The following PWWP3B variants were observed in gnomAD, a reference collection of about 807,000 sequenced individuals.
PWWP3B encodes the protein PWWP domain containing 3B, also known as PWWP domain-containing DNA repair factor 3B.
PWWP3B carries 5 observed loss-of-function variants against 15.7 expected under a neutral mutation model. The observed-to-expected ratio is 0.32, with a 90% confidence interval of 0.17 to 0.67. The LOEUF is 0.67. PWWP3B is among the 30% of genes least tolerant of loss of function. PWWP3B has a pLI of 0.74. For missense variants in PWWP3B, 519 were observed against 493.1 expected (o/e 1.05, Z -0.50); for synonymous variants, 203 against 179.8 (o/e 1.13, Z -1.03).
At chrX:106,174,025 C>A (rs1921759535) in intron 2 of PWWP3B, among the ~76,000 whole-genome samples, 1 of 111,804 alleles carries the variant, frequency 8.9e-6, no homozygotes, top group African/African-American at 3.3e-5. Flanking sequence ...TTGGGTCCTG[C>A]CAACAGAAAT....
chrX:106,177,819 A>G (rs905101043), intron 2 of PWWP3B, among the ~76,000 whole-genome samples: 1 of 112,139 alleles, frequency 8.9e-6, no homozygotes, highest in Non-Finnish European at 1.9e-5. Context: ...ACACTTGTAA[A>G]GATGTATATT....
At chrX:106,188,064 C>T (rs747095089) in intron 2 of PWWP3B, among the ~76,000 whole-genome samples, 1 of 111,394 alleles carries the variant, frequency 9.0e-6, no homozygotes, top group East Asian at 2.8e-4. Context: ...CATGTGAGAA[C>T]TTCAGTGTGG....
At chrX:106,202,189 A>G (rs1602869171) in intron 2 of PWWP3B, among the ~76,000 whole-genome samples, 2 of 112,172 alleles carry the variant, frequency 1.8e-5, no homozygotes, top group African/African-American at 3.2e-5. Flanking sequence ...TATGTGTCAC[A>G]TGTACATGAG....
At chrX:106,189,380 C>A (rs1922729803) in intron 2 of PWWP3B, among the ~76,000 whole-genome samples, 1 of 109,987 alleles carries the variant, frequency 9.1e-6, no homozygotes, top group Non-Finnish European at 1.9e-5. Flanking sequence ...TCCCTCTCCC[C>A]TCCCCCCACC....
At chrX:106,192,232 C>G (rs891265027) in intron 2 of PWWP3B, among the ~76,000 whole-genome samples, 2 of 111,354 alleles carry the variant, frequency 1.8e-5, no homozygotes, top group Non-Finnish European at 3.8e-5. Flanking sequence ...TGTTATTGGT[C>G]TATTCAGAGA....
chrX:106,205,047 GT>G (rs1445809453), intron 3 of PWWP3B, among the ~76,000 whole-genome samples, 171 bp from the exon 4 acceptor site: 2 of 110,332 alleles, frequency 1.8e-5, no homozygotes, highest in Middle Eastern at 4.3e-3. Flanking sequence ...AACTTTTCTG[GT>G]TTTTTTCCAC....
In PWWP3B at chrX:106,207,977, C is replaced by G. The variant is rs1285733054; in HGVS notation, c.*454C>G. On this transcript the variant is annotated 3_prime_UTR_variant, in exon 4 of 4. Coordinates refer to ENST00000357175, the MANE Select transcript of PWWP3B (RefSeq NM_001171020.2). ...TAATTTTTATAAAATATTGGGTTTT[C>G]CCTTAAGATAGTTGAAGTATTTTTC... is the stretch of plus-strand genomic sequence containing the variant. 4 of 124,169 alleles carry G rather than the reference C, an allele frequency of 3.2e-5. No individual in the cohort carries two copies. The highest frequency in any genetic ancestry group is 7.4e-5 in the Non-Finnish European group (4 of 53,983). The allele number at this position is 124,169 out of a possible 1,213,427, so 10.2% of individuals were successfully genotyped here.
At chrX:106,205,070 G>A (rs775971695) in intron 3 of PWWP3B, 149 bp from the exon 4 acceptor site, 23 of 136,079 alleles carry the variant, frequency 1.7e-4, no homozygotes, top group African/African-American at 5.2e-4. Context: ...CCTCCCCCCC[G>A]CAATCTTATA....
In PWWP3B at chrX:106,171,064, C is replaced by T. The variant is rs966612363; in HGVS notation, c.-476C>T. ...CAGAAGTGCTGAGCCAGGTAAAGAC[C>T]CTGCTGGACAAGCAGCTGGAGTGAG... On this transcript the variant is annotated 5_prime_UTR_variant, in exon 2 of 4. Coordinates refer to ENST00000357175, the MANE Select transcript of PWWP3B (RefSeq NM_001171020.2). 5.4e-5 allele frequency: 6 copies of T among 111,236 alleles called. No individual in the cohort carries two copies. Among genetic ancestry groups the T allele is most frequent in the Admixed American group, 4.8e-4 (5 of 10,397 alleles). The allele number at this position is 111,236 out of a possible 1,213,427, so 9.2% of individuals were successfully genotyped here. A position where few individuals can be genotyped will look rare whatever the true frequency, so the allele number is the denominator to read the frequency against.
chrX:106,192,403 T>G (rs1296900872), intron 2 of PWWP3B, among the ~76,000 whole-genome samples: 1 of 111,885 alleles, frequency 8.9e-6, no homozygotes, highest in Non-Finnish European at 1.9e-5. Context: ...TTTATCATTT[T>G]TTATTGCATC....
At chrX:106,180,610 T>C (rs996010943) in intron 2 of PWWP3B, among the ~76,000 whole-genome samples, 6 of 112,037 alleles carry the variant, frequency 5.4e-5, no homozygotes, top group Non-Finnish European at 7.5e-5. Flanking sequence ...GAAAACTCTT[T>C]AGTAGCCCTA....
At chrX:106,189,351 G>C (rs1220478096) in intron 2 of PWWP3B, among the ~76,000 whole-genome samples, 2 of 110,206 alleles carry the variant, frequency 1.8e-5, no homozygotes, top group African/African-American at 3.3e-5. Flanking sequence ...TTTAGCATTA[G>C]GTATATCTCC....
At chrX:106,169,122 A>G (rs1483400627) in intron 1 of PWWP3B, among the ~76,000 whole-genome samples, 1 of 111,283 alleles carries the variant, frequency 9.0e-6, no homozygotes, top group Non-Finnish European at 1.9e-5. Flanking sequence ...ATGTCAGGGG[A>G]AAAAGGAGGA....
At chrX:106,194,012 A>G (rs1166171830) in intron 2 of PWWP3B, among the ~76,000 whole-genome samples, 1 of 111,046 alleles carries the variant, frequency 9.0e-6, no homozygotes, top group Non-Finnish European at 1.9e-5. Context: ...TCTGACAATT[A>G]TGTGTCTTGG....
chrX:106,206,206 C>T lies in PWWP3B; in HGVS notation c.774C>T (p.Ser258=), dbSNP rs376673069. ...LIMPKALKEE[S]EDTCLETLAV... ...TGCCCAAAGCTTTGAAAGAAGAGAGCGAGGATACCTGCCTAGAGACCCTGG... is the reference window on the plus strand; with the variant it reads ...TGCCCAAAGCTTTGAAAGAAGAGAGTGAGGATACCTGCCTAGAGACCCTGG... Residue 258 remains serine, a synonymous_variant, in exon 4 of 4, where the codon AGC becomes AGT. Coordinates refer to ENST00000357175, the MANE Select transcript of PWWP3B (RefSeq NM_001171020.2). 2.7e-5 allele frequency: 33 copies of T among 1,202,733 alleles called. No homozygotes were observed. The East Asian group carries it at 3.0e-4, about 11-fold the overall frequency.
chrX:106,169,523 C>T (rs1210089992), intron 1 of PWWP3B, among the ~76,000 whole-genome samples: 2 of 111,345 alleles, frequency 1.8e-5, no homozygotes, highest in East Asian at 2.8e-4. Context: ...CACACACATT[C>T]CATTGTCTTT....
In PWWP3B at chrX:106,206,964, G is replaced by A. The variant is rs754857411; in HGVS notation, c.1532G>A (p.Arg511Lys). 3 of 1,211,240 alleles carry A rather than the reference G, an allele frequency of 2.5e-6. No individual in the cohort carries two copies. Among genetic ancestry groups the A allele is most frequent in the Non-Finnish European group, 2.2e-6 (2 of 895,263 alleles). ...AAAGAAACAAAACAGGATACTTTCA[G>A]GAACAAATTTCCAAAGCTGCATAAT... The part of the protein sequence containing the change: ...VRKETKQDTF[R>K]NKFPKLHNED... Residue 511 changes from arginine to lysine, a missense_variant, in exon 4 of 4, where the codon AGG becomes AAG. By Grantham distance (26) the Arg-to-Lys change is conservative. Transcript: ENST00000357175.
chrX:106,206,050 A>G lies in PWWP3B; in HGVS notation c.618A>G (p.Lys206=), dbSNP rs1323295331. The G allele has an allele frequency of 3.3e-6, 4 of 1,210,137 alleles. No individual in the cohort carries two copies. The East Asian group carries it at 1.2e-4, about 36-fold the overall frequency. Residue 206 remains lysine, a synonymous_variant, in exon 4 of 4, where the codon AAA becomes AAG. Transcript: ENST00000357175. ...FPSLSEDNDE[K]ENKNKIDISA... The stretch of plus-strand genomic sequence containing the variant: ...CACTTTCGGAAGATAATGATGAAAA[A>G]GAGAACAAGAATAAGATTGATATCT...
rs1416230995 is a variant in PWWP3B, at chrX:106,206,671, C to G, written c.1239C>G (p.Ile413Met). The G allele has an allele frequency of 2.5e-6, 3 of 1,209,727 alleles. No individual in the cohort carries two copies. In the South Asian group the frequency reaches 5.3e-5, roughly 21 times the overall value. Residue 413 changes from isoleucine to methionine, a missense_variant, in exon 4 of 4, where the codon ATC (isoleucine) becomes ATG (methionine). Physicochemically the swap from Ile to Met is conservative, Grantham distance 10. Coordinates refer to ENST00000357175, the MANE Select transcript of PWWP3B (RefSeq NM_001171020.2). ...YPFWPAVIKSIRRKERKASVL... is the reference protein window; with the variant it reads ...YPFWPAVIKSMRRKERKASVL... ...TTTGGCCAGCAGTGATAAAAAGTAT[C>G]AGACGAAAAGAGAGGAAAGCAAGTG...
Sources: allele counts gnomAD v4.1 joint callset (sites outside exome capture counted in the v4.1 genomes callset), GRCh38; gene constraint gnomAD v4.1.1; transcripts MANE v1.5; gene names NCBI Gene and HGNC (gene_info 2026-07-23, HGNC 2026-07-21).